Variants in ZNF678 observed in about 807,000 individuals in gnomAD.
ZNF678 encodes zinc finger protein 678.
Under a neutral mutation model 3.0 loss-of-function variants are expected in ZNF678, and 5 were observed. The observed-to-expected ratio is 1.69, with a 90% CI of 0.88 to 3.56. The LOEUF (loss-of-function observed/expected upper bound fraction) is 3.56, where lower values mean the gene tolerates loss of function less well. Ranked by LOEUF, ZNF678 falls within the 30% of genes most tolerant of loss-of-function variation. The pLI is 0.00. For synonymous variants in ZNF678, 218 were observed against 199.6 expected (o/e 1.09, Z -0.78); for missense variants, 593 against 605.0 (o/e 0.98, Z 0.21).
At chr1:227,611,527 G>C (rs1289756804) in intron 1 of ZNF678, among the ~76,000 whole-genome samples, 2 of 152,128 alleles carry the variant, frequency 1.3e-5, no homozygotes, top group African/African-American at 4.8e-5. Context: ...CATTTATCAG[G>C]CCACTCACAA....
At chr1:227,569,333 A>C (rs542698930) in intron 1 of ZNF678, among the ~76,000 whole-genome samples, 53 of 152,216 alleles carry the variant, frequency 3.5e-4, no homozygotes, top group Non-Finnish European at 6.2e-4. Flanking sequence ...CTTGAAATAT[A>C]TGCAAATTTT....
chr1:227,587,607 A>G (rs1411049133), intron 1 of ZNF678, among the ~76,000 whole-genome samples: 1 of 152,142 alleles, frequency 6.6e-6, no homozygotes, highest in Admixed American at 6.5e-5. Context: ...TTCCTGCATT[A>G]AGCAGTAGCC....
At chr1:227,624,383 C>T (rs948178105) in intron 1 of ZNF678, among the ~76,000 whole-genome samples, 2 of 152,216 alleles carry the variant, frequency 1.3e-5, no homozygotes, top group Admixed American at 1.3e-4. Context: ...TAGGTGCATA[C>T]TCAGAGTACC....
At position 227,654,728 on chromosome 1, in the gene ZNF678, A is replaced by T. The variant is rs1429515696; in HGVS notation, c.478A>T (p.Lys160Ter). 1 of 1,613,192 alleles carries T rather than the reference A, an allele frequency of 6.2e-7. No individual in the cohort carries two copies. The highest frequency in any genetic ancestry group is 8.5e-7 in the Non-Finnish European group (1 of 1,179,386). ...EKPYKCDECG[K>*]VFNWWSQLTN... ...ACCCTACAAATGTGACGAATGTGGCAAAGTTTTTAATTGGTGGTCACAACT... is the reference window on the plus strand; with the variant it reads ...ACCCTACAAATGTGACGAATGTGGCTAAGTTTTTAATTGGTGGTCACAACT... The change falls in exon 4 of 4, where the codon AAA becomes TAA. Residue 160 changes from lysine (K) to a stop codon, truncating the protein, a stop_gained. Coordinates refer to ENST00000343776, the MANE Select transcript of ZNF678 (RefSeq NM_001367909.1). LOFTEE classifies it low-confidence loss of function (END_TRUNC).
At chr1:227,644,582 C>T (rs192035366) in intron 1 of ZNF678, among the ~76,000 whole-genome samples, 2 of 152,288 alleles carry the variant, frequency 1.3e-5, no homozygotes, top group East Asian at 1.9e-4. Flanking sequence ...AAGTGCTACT[C>T]ATGATGGGCC....
At chr1:227,572,489 T>C (rs1027954992) in intron 1 of ZNF678, among the ~76,000 whole-genome samples, 5 of 152,150 alleles carry the variant, frequency 3.3e-5, no homozygotes, top group African/African-American at 4.8e-5. Flanking sequence ...AGAAATGCAA[T>C]TGTAGCAAAG....
chr1:227,597,943 T>C (rs2102746300), intron 1 of ZNF678, among the ~76,000 whole-genome samples: 1 of 152,276 alleles, frequency 6.6e-6, no homozygotes, highest in Non-Finnish European at 1.5e-5. Flanking sequence ...TCCGCAACCC[T>C]AAAAGCTCCT....
chr1:227,646,195 G>A (rs567334421), intron 1 of ZNF678, among the ~76,000 whole-genome samples: 10 of 152,282 alleles, frequency 6.6e-5, no homozygotes, highest in African/African-American at 1.7e-4. Context: ...TGTTGTATGC[G>A]TTAAAATCTG....
chr1:227,673,816 A>G (rs1571929859), intron 5 of ZNF678, among the ~76,000 whole-genome samples: 3 of 152,338 alleles, frequency 2.0e-5, no homozygotes, highest in East Asian at 1.9e-4. Flanking sequence ...CAGTTTTTCA[A>G]AAATTTGAAA....
intron 1 of ZNF678, among the ~76,000 whole-genome samples, chr1:227,593,052 G>T (rs1314634208): frequency 1.3e-5 from 2 of 152,260 alleles, no homozygotes; most frequent in African/African-American, 4.8e-5. Context: ...ACGGAAGCTG[G>T]ATGGCCCTTG....
chr1:227,677,680 A>G (rs546452619), downstream of ZNF678, among the ~76,000 whole-genome samples: 27 of 152,196 alleles, frequency 1.8e-4, no homozygotes, highest in Non-Finnish European at 1.3e-4. Context: ...GGGAATTTAG[A>G]AAATCAGAGA....
At chr1:227,602,047 G>T (rs1051425845) in intron 1 of ZNF678, among the ~76,000 whole-genome samples, 1 of 152,054 alleles carries the variant, frequency 6.6e-6, no homozygotes, top group Non-Finnish European at 1.5e-5. Context: ...TTCTTACTTG[G>T]ATGTCCTTTA....
chr1:227,570,448 A>C (rs1444626623), intron 1 of ZNF678, among the ~76,000 whole-genome samples: 1 of 152,180 alleles, frequency 6.6e-6, no homozygotes, highest in African/African-American at 2.4e-5. Context: ...CACTTCATTA[A>C]TCAAAGGGCC....
chr1:227,600,755 T>A (rs770501351), intron 1 of ZNF678, among the ~76,000 whole-genome samples: 2 of 152,262 alleles, frequency 1.3e-5, no homozygotes, highest in Non-Finnish European at 2.9e-5. Context: ...CTGTCAGTAG[T>A]ATCTTTTGCT....
chr1:227,625,363 G>C (rs1658384678), intron 1 of ZNF678, among the ~76,000 whole-genome samples: 1 of 152,114 alleles, frequency 6.6e-6, no homozygotes, highest in South Asian at 2.1e-4. Context: ...TTGGGGCCTG[G>C]TAGGGGTTGT....
intron 1 of ZNF678, among the ~76,000 whole-genome samples, chr1:227,644,543 CTGTT>C (rs1488058689): frequency 6.6e-5 from 10 of 152,138 alleles, no homozygotes; most frequent in African/African-American, 2.2e-4. Context: ...TAAAGGGACT[CTGTT>C]TGTTGTGCCT....
chr1:227,650,533 T>G (rs1659065296), intron 2 of ZNF678, among the ~76,000 whole-genome samples: 2 of 152,270 alleles, frequency 1.3e-5, no homozygotes, highest in Admixed American at 1.3e-4. Context: ...GCCATTGGAA[T>G]TTTGATAGGA....
chr1:227,591,655 A>C (rs985242951), intron 1 of ZNF678, among the ~76,000 whole-genome samples: 1 of 152,140 alleles, frequency 6.6e-6, no homozygotes, highest in African/African-American at 2.4e-5. Context: ...AACTGTGGTC[A>C]TGGGAGGCTC....
At chr1:227,580,222 G>A (rs571192300) in intron 1 of ZNF678, among the ~76,000 whole-genome samples, 13 of 152,010 alleles carry the variant, frequency 8.6e-5, no homozygotes, top group South Asian at 8.3e-4. Flanking sequence ...CACTCTCAGC[G>A]CCTTTCCTCT....
Sources: gnomAD v4.1 joint callset for allele counts (sites outside exome capture counted in the v4.1 genomes callset) on GRCh38, gnomAD v4.1.1 for gene constraint, MANE v1.5 for transcripts, NCBI Gene and HGNC (gene_info 2026-07-23, HGNC 2026-07-21) for gene names.